Variants in PLAGL1 observed in about 807,000 individuals in gnomAD.
PLAGL1 encodes zinc finger protein PLAGL1.
PLAGL1 carries 1 observed loss-of-function variant against 4.6 expected under a neutral mutation model. That is an observed-to-expected ratio of 0.22 (90% confidence interval 0.08 to 1.03). PLAGL1 has a LOEUF of 1.03. PLAGL1 is among the 50% of genes least tolerant of loss of function. The probability of loss-of-function intolerance (pLI) is 0.58; values close to 1 mark genes in which losing one functional copy is unlikely to be tolerated. For missense variants in PLAGL1, 464 were observed against 570.4 expected, an observed-to-expected ratio of 0.81 and a Z score of 1.90; for synonymous variants, 240 against 237.8, an observed-to-expected ratio of 1.01 and a Z score of -0.08.
At position 143,962,507 on chromosome 6, in the gene PLAGL1, A is replaced by G. The variant is rs941617784; in HGVS notation, c.-398-1965T>C. ...TTAATTGTTTTAAATGAAGGGGGAA[A>G]TATTTTTTGGAAAGTTTGTTTATTC... On this transcript the variant is annotated intron_variant, in intron 5 of 7. Coordinates refer to ENST00000674357, the MANE Select transcript of PLAGL1 (RefSeq NM_001317162.2). The surrounding 1 kb of genome is among the most constrained non-coding windows in gnomAD (Gnocchi z 5.3). 3.3e-5 allele frequency among the ~76,000 whole-genome samples: 5 copies of G among 152,200 alleles called. No individual in the cohort carries two copies. The highest frequency in any genetic ancestry group is 9.7e-5 in the African/African-American group (4 of 41,434).
chr6:144,031,951 A>G (rs1796863341), intron 1 of PLAGL1, among the ~76,000 whole-genome samples: 1 of 152,154 alleles, frequency 6.6e-6, no homozygotes, highest in East Asian at 1.9e-4. Context: ...AGTATGATCA[A>G]TTTCACAATA....
intron 1 of PLAGL1, among the ~76,000 whole-genome samples, chr6:144,058,258 C>G (rs1029436853): frequency 1.3e-5 from 2 of 152,146 alleles, no homozygotes; most frequent in African/African-American, 4.8e-5. Context: ...GCCACAGCAT[C>G]ACACACTTTT....
Position 144,022,172 on chromosome 6 carries a change from C to A in PLAGL1, c.-151+42296G>T, listed in dbSNP as rs766919861. On this transcript the variant is annotated intron_variant, in intron 1 of 3. Coordinates refer to the PLAGL1 transcript ENST00000437412. This position sits in a 1 kb window ranked among gnomAD's most constrained non-coding sequence, Gnocchi z 4.2. Reference sequence around the variant, plus strand: ...TGAGAAATAACTTATATTAAATATACAAAGAACACTTAAAACTAACCAATA... The same window carrying A: ...TGAGAAATAACTTATATTAAATATAAAAAGAACACTTAAAACTAACCAATA... Among the ~76,000 whole-genome samples the A allele has an allele frequency of 6.6e-6, 1 of 152,082 alleles. No homozygotes were observed. The highest frequency in any genetic ancestry group is 1.5e-5 in the Non-Finnish European group (1 of 68,008).
At position 143,979,446 on chromosome 6, in the gene PLAGL1, AATTG is replaced by A. The variant is rs1226458718; in HGVS notation, c.-544+5685_-544+5688del. 2.6e-5 allele frequency among the ~76,000 whole-genome samples: 4 copies of A among 151,824 alleles called. No homozygotes were observed. Among genetic ancestry groups the A allele is most frequent in the Non-Finnish European group, 4.4e-5 (3 of 67,894 alleles). ...TTTGTTCCTTTTCTTTCTTCTTTTG[AATTG>A]ATTATTTTTCTCTAGTTTTATCTCC... On this transcript the variant is annotated intron_variant, in intron 2 of 7. Coordinates refer to ENST00000674357, the MANE Select transcript of PLAGL1 (RefSeq NM_001317162.2). This position sits in a 1 kb window ranked among gnomAD's most constrained non-coding sequence, Gnocchi z 4.6.
Position 143,970,450 on chromosome 6 carries a change from TATCTG to T in PLAGL1, c.-543-1477_-543-1473del, listed in dbSNP as rs1299399388. 6.6e-6 allele frequency among the ~76,000 whole-genome samples: 1 copy of T among 152,230 alleles called. No homozygotes were observed. The highest frequency in any genetic ancestry group is 1.5e-5 in the Non-Finnish European group (1 of 68,034). On this transcript the variant is annotated intron_variant, in intron 2 of 7. Transcript: ENST00000674357. The surrounding 1 kb of genome is among the most constrained non-coding windows in gnomAD (Gnocchi z 5.8). ...TTACAGATGATCTTTATAATAGTCATATCTGATCTTATACAACTGACACATTATTT... is the reference window on the plus strand; with the variant it reads ...TTACAGATGATCTTTATAATAGTCATATCTTATACAACTGACACATTATTT...
chr6:144,003,248 C>A (rs1322085764), intron 1 of PLAGL1, among the ~76,000 whole-genome samples: 1 of 152,006 alleles, frequency 6.6e-6, no homozygotes, highest in African/African-American at 2.4e-5. Context: ...ACACCATACA[C>A]AAAAATCAAC....
intron 2 of PLAGL1, among the ~76,000 whole-genome samples, chr6:143,981,691 A>G (rs1787988952): frequency 6.6e-6 from 1 of 152,134 alleles, no homozygotes; most frequent in South Asian, 2.1e-4. Flanking sequence ...AGGCGAGAGA[A>G]TAACTCCAGT....
rs145044443 is a variant in PLAGL1 at position 144,016,698 on chromosome 6, T to C, written c.-150-47720A>G. Among the ~76,000 whole-genome samples, 178 of 152,340 alleles carry C rather than the reference T, an allele frequency of 1.2e-3. No individual in the cohort carries two copies. The highest frequency in any genetic ancestry group is 4.1e-3 in the African/African-American group (170 of 41,572). ...AAGAAGATTGCATTGGGGCTATGTATTTGTCATACTGCACTGAATGATACA... is the reference window on the plus strand; with the variant it reads ...AAGAAGATTGCATTGGGGCTATGTACTTGTCATACTGCACTGAATGATACA... On this transcript the variant is annotated intron_variant, in intron 1 of 3. Transcript: ENST00000437412. This position sits in a 1 kb window ranked among gnomAD's most constrained non-coding sequence, Gnocchi z 4.2.
rs1167674481 is a variant in PLAGL1, at chr6:144,055,004, A to G, written c.-151+9464T>C. 1.3e-5 allele frequency among the ~76,000 whole-genome samples: 2 copies of G among 152,212 alleles called. No homozygotes were observed. Among genetic ancestry groups the G allele is most frequent in the East Asian group, 1.9e-4 (1 of 5,198 alleles). ...ACATGTACAAATTAAAACACGAGGA[A>G]AATGCATTAACCCAGCACCTTTTCA... On this transcript the variant is annotated intron_variant, in intron 1 of 3. Transcript: ENST00000437412. The surrounding 1 kb of genome is among the most constrained non-coding windows in gnomAD (Gnocchi z 5.0).
At chr6:144,028,367 G>T (rs1796528056) in intron 1 of PLAGL1, among the ~76,000 whole-genome samples, 1 of 152,138 alleles carries the variant, frequency 6.6e-6, no homozygotes, top group Non-Finnish European at 1.5e-5. Flanking sequence ...TTCAAGCTGT[G>T]CATTGAGACT....
intron 1 of PLAGL1, among the ~76,000 whole-genome samples, chr6:144,029,429 G>C (rs369808883): frequency 2.0e-5 from 3 of 152,316 alleles, no homozygotes; most frequent in Admixed American, 6.5e-5. Flanking sequence ...CCTTAATATA[G>C]AGAAAGCTTC....
At chr6:144,058,473 C>G (rs1267938958) in intron 1 of PLAGL1, among the ~76,000 whole-genome samples, 1 of 152,208 alleles carries the variant, frequency 6.6e-6, no homozygotes, top group Non-Finnish European at 1.5e-5. Context: ...GTCCTTCTCA[C>G]ATTACAAAGT....
chr6:143,960,894 T>A lies in PLAGL1; in HGVS notation c.-398-352A>T, dbSNP rs190810542. The stretch of plus-strand genomic sequence containing the variant: ...ACCATAAAACAGGTATGCAAATCTA[T>A]GCAATAACAGAACCTAAAACAAATT... On this transcript the variant is annotated intron_variant, in intron 5 of 7. Transcript: ENST00000674357. This position sits in a 1 kb window ranked among gnomAD's most constrained non-coding sequence, Gnocchi z 5.7. The A allele has an allele frequency of 6.6e-6, 1 of 152,318 alleles. No homozygotes were observed. Among genetic ancestry groups the A allele is most frequent in the Admixed American group, 6.5e-5 (1 of 15,304 alleles). The allele number at this position is 152,318 out of a possible 1,614,324, so 9.4% of individuals were successfully genotyped here. A position where few individuals can be genotyped will look rare whatever the true frequency, so the allele number is the denominator to read the frequency against.
At chr6:144,057,776 AT>A (rs60234022) in intron 1 of PLAGL1, among the ~76,000 whole-genome samples, 33,231 of 137,026 alleles carry the variant, frequency 0.24, 3,905 homozygotes, top group Middle Eastern at 0.32. Flanking sequence ...ACGCCTCACC[AT>A]TTTTTTTTTT....
chr6:143,999,587 G>A (rs1462474236), intron 1 of PLAGL1, among the ~76,000 whole-genome samples: 2 of 152,198 alleles, frequency 1.3e-5, no homozygotes, highest in Non-Finnish European at 2.9e-5. Context: ...AATCGCTCCA[G>A]AAAGTTGGGA....
chr6:144,056,834 T>C lies in PLAGL1; in HGVS notation c.-151+7634A>G, dbSNP rs992687996. ...TGTGTGCCACCATGCTAAGCTAATT[T>C]TTTTTAATTTTATTTATGCTGCCCA... On this transcript the variant is annotated intron_variant, in intron 1 of 3. Transcript: ENST00000437412. The surrounding 1 kb of genome is among the most constrained non-coding windows in gnomAD (Gnocchi z 4.7). 7.2e-5 allele frequency among the ~76,000 whole-genome samples: 11 copies of C among 152,136 alleles called. No homozygotes were observed. The highest frequency in any genetic ancestry group is 2.7e-4 in the African/African-American group (11 of 41,422).
At position 143,949,711 on chromosome 6, in the gene PLAGL1, G is replaced by A. The variant is rs1248221810; in HGVS notation, c.-324-1251C>T. On this transcript the variant is annotated intron_variant, in intron 6 of 7. Coordinates refer to ENST00000674357, the MANE Select transcript of PLAGL1 (RefSeq NM_001317162.2). The surrounding 1 kb of genome is among the most constrained non-coding windows in gnomAD (Gnocchi z 5.3). ...ACACTTGAGTAGCTTTTGTCCACAG[G>A]CCAGCATTTGCTGAACTTTGCCAGT... Among the ~76,000 whole-genome samples, 4 of 152,156 alleles carry A rather than the reference G, an allele frequency of 2.6e-5. No homozygotes were observed. The highest frequency in any genetic ancestry group is 9.7e-5 in the African/African-American group (4 of 41,434).
Position 143,997,860 on chromosome 6 carries a change from A to ATG in PLAGL1, c.-584+10228_-584+10229dup, listed in dbSNP as rs888862579. On this transcript the variant is annotated intron_variant, in intron 1 of 7. Transcript: ENST00000674357. The surrounding 1 kb of genome is among the most constrained non-coding windows in gnomAD (Gnocchi z 4.6). ...TGAATGTGGTTACACAGGTGTGCGTATGTGTGTGTGTGTATAAACTCATCA... is the reference window on the plus strand; with the variant it reads ...TGAATGTGGTTACACAGGTGTGCGTATGTGTGTGTGTGTGTATAAACTCATCA... 6.6e-5 allele frequency among the ~76,000 whole-genome samples: 10 copies of ATG among 152,018 alleles called. No individual in the cohort carries two copies. Among genetic ancestry groups the ATG allele is most frequent in the African/African-American group, 1.9e-4 (8 of 41,466 alleles).
chr6:143,977,624 T>C (rs949944374), intron 2 of PLAGL1, among the ~76,000 whole-genome samples: 1 of 151,706 alleles, frequency 6.6e-6, no homozygotes, highest in African/African-American at 2.4e-5. Flanking sequence ...AGGTATAGTC[T>C]GTATACCTGA....
Sources: allele counts gnomAD v4.1 joint callset (sites outside exome capture counted in the v4.1 genomes callset), GRCh38; gene constraint gnomAD v4.1.1; non-coding constraint Gnocchi (gnomAD v3.1); transcripts MANE v1.5; gene names NCBI Gene and HGNC (gene_info 2026-07-23, HGNC 2026-07-21).